PLCB4: variants seen among roughly 807,000 people sequenced by gnomAD.
The protein encoded by PLCB4 is 1-phosphatidylinositol 4,5-bisphosphate phosphodiesterase beta-4.
PLCB4 carries 77 observed loss-of-function variants against 178.8 expected under a neutral mutation model. That is an observed-to-expected ratio of 0.43 (90% confidence interval 0.36 to 0.52). The LOEUF (loss-of-function observed/expected upper bound fraction) is 0.52, where lower values mean the gene tolerates loss of function less well. PLCB4 is among the 20% of genes least tolerant of loss of function. The probability of loss-of-function intolerance (pLI) is 0.00; values close to 1 mark genes in which losing one functional copy is unlikely to be tolerated. For missense variants in PLCB4, 1,024 were observed against 1,453.4 expected (o/e 0.70, Z 4.80); for synonymous variants, 496 against 490.8 (o/e 1.01, Z -0.14).
chr20:9,140,277 G>T (rs2092461719), intron 2 of PLCB4, among the ~76,000 whole-genome samples: 1 of 151,980 alleles, frequency 6.6e-6, no homozygotes, highest in African/African-American at 2.4e-5. Flanking sequence ...CACATCCCCT[G>T]TCCGTCTCCT....
chr20:9,384,562 A>G, intron 14 of PLCB4, 151 bp downstream of exon 14: 1 of 629,114 alleles, frequency 1.6e-6, no homozygotes, highest in Non-Finnish European at 2.8e-6. Flanking sequence ...AACGTTGAGA[A>G]AAGAAGGACA....
At chr20:9,323,692 T>C (rs1159939465) in intron 4 of PLCB4, among the ~76,000 whole-genome samples, 5 of 152,182 alleles carry the variant, frequency 3.3e-5, no homozygotes, top group Admixed American at 2.6e-4. Context: ...AAGAGACAGC[T>C]GCCCCAGGAG....
At chr20:9,140,389 C>T (rs959012105) in intron 2 of PLCB4, among the ~76,000 whole-genome samples, 2 of 152,118 alleles carry the variant, frequency 1.3e-5, no homozygotes, top group African/African-American at 4.8e-5. Flanking sequence ...AGGAATGTGT[C>T]TGTCTTCCTC....
rs2092274677 is a variant in PLCB4, at chr20:9,131,620, TGTTG to T, written c.-79+35282_-79+35285del. ...TGTAGTCACTGATTTTTAATAAATC[TGTTG>T]GTTCGTAGTTCAAAAAGTCTGGGCA... On this transcript the variant is annotated intron_variant, in intron 2 of 39. Coordinates refer to ENST00000378473, the MANE Select transcript of PLCB4 (RefSeq NM_001377142.1). Among the ~76,000 whole-genome samples the T allele has an allele frequency of 1.3e-5, 2 of 152,310 alleles. 1 individual carries two copies. Among genetic ancestry groups the T allele is most frequent in the Admixed American group, 1.3e-4 (2 of 15,292 alleles).
At position 9,407,945 on chromosome 20, in the gene PLCB4, C is replaced by A. The variant is rs138509890; in HGVS notation, c.1676C>A (p.Ala559Glu). 24 of 1,613,558 alleles carry A rather than the reference C, an allele frequency of 1.5e-5. No homozygotes were observed. The highest frequency in any genetic ancestry group is 4.0e-5 in the African/African-American group (3 of 75,012). The stretch of plus-strand genomic sequence containing the variant: ...CTGGTCACTGTAGAAGATGAGCAGG[C>A]GTGGATGGCATCTTATAAATATGTA... ...KGLVTVEDEQAWMASYKYVGA... is the reference protein window; with the variant it reads ...KGLVTVEDEQEWMASYKYVGA... The change falls in exon 22 of 40, where the codon GCG (alanine) becomes GAG (glutamate). Residue 559 changes from alanine to glutamate, a missense_variant. Ala to Glu is a moderately radical substitution (Grantham distance 107). Coordinates refer to ENST00000378473, the MANE Select transcript of PLCB4 (RefSeq NM_001377142.1).
At chr20:9,226,212 G>A (rs575335671) in intron 3 of PLCB4, among the ~76,000 whole-genome samples, 2 of 152,298 alleles carry the variant, frequency 1.3e-5, no homozygotes, top group East Asian at 3.9e-4. Context: ...GTAGCTGGGA[G>A]GAGGCAATCC....
intron 2 of PLCB4, among the ~76,000 whole-genome samples, chr20:9,124,063 C>T (rs977388345): frequency 6.6e-6 from 1 of 151,998 alleles, no homozygotes; most frequent in Non-Finnish European, 1.5e-5. Flanking sequence ...AAATATTATT[C>T]TTCTTTTAAT....
At chr20:9,245,072 A>G (rs1473788102) in intron 3 of PLCB4, among the ~76,000 whole-genome samples, 4 of 152,140 alleles carry the variant, frequency 2.6e-5, no homozygotes, top group Non-Finnish European at 5.9e-5. Flanking sequence ...CAACTGTGCC[A>G]TGTGCCGCTT....
At chr20:9,159,386 A>G (rs2146971336) in intron 2 of PLCB4, among the ~76,000 whole-genome samples, 1 of 152,312 alleles carries the variant, frequency 6.6e-6, no homozygotes, top group African/African-American at 2.4e-5. Flanking sequence ...CATGATTAAC[A>G]TAGGATTATT....
intron 2 of PLCB4, among the ~76,000 whole-genome samples, chr20:9,175,167 C>G (rs1238090276): frequency 6.6e-6 from 1 of 152,144 alleles, no homozygotes; most frequent in Non-Finnish European, 1.5e-5. Flanking sequence ...CCTACTGGAT[C>G]AGAAGCTCTG....
chr20:9,152,672 G>A (rs1359503026), intron 2 of PLCB4, among the ~76,000 whole-genome samples: 4 of 152,166 alleles, frequency 2.6e-5, no homozygotes, highest in East Asian at 1.9e-4. Flanking sequence ...CTAGGGCATC[G>A]TGGAAGGGAA....
chr20:9,296,883 A>G (rs2094642521), intron 3 of PLCB4, among the ~76,000 whole-genome samples: 2 of 152,182 alleles, frequency 1.3e-5, no homozygotes, highest in East Asian at 1.9e-4. Context: ...GGGAAGGGAT[A>G]GCATTAGGAG....
chr20:9,150,630 G>A (rs1179693654), intron 2 of PLCB4, among the ~76,000 whole-genome samples: 1 of 152,108 alleles, frequency 6.6e-6, no homozygotes, highest in Admixed American at 6.6e-5. Context: ...ATGACTCTAA[G>A]GTGCTGAGAT....
At chr20:9,259,602 A>G (rs2094275984) in intron 3 of PLCB4, among the ~76,000 whole-genome samples, 1 of 152,114 alleles carries the variant, frequency 6.6e-6, no homozygotes, top group Non-Finnish European at 1.5e-5. Flanking sequence ...GGAGAGAAGG[A>G]GGGAATGGCA....
chr20:9,393,134 G>A (rs13036820), intron 17 of PLCB4, among the ~76,000 whole-genome samples: 34 of 152,186 alleles, frequency 2.2e-4, no homozygotes, highest in African/African-American at 7.7e-4. Flanking sequence ...AGTGTTGAGG[G>A]TTGGGTCAGC....
At chr20:9,100,416 C>T (rs1298949330) in intron 2 of PLCB4, among the ~76,000 whole-genome samples, 1 of 152,078 alleles carries the variant, frequency 6.6e-6, no homozygotes. Flanking sequence ...CTCTGTTGCC[C>T]AGGCTGGAGT....
intron 1 of PLCB4, among the ~76,000 whole-genome samples, chr20:9,072,633 C>A (rs1232114670): frequency 6.6e-6 from 1 of 152,000 alleles, no homozygotes; most frequent in East Asian, 1.9e-4. Context: ...CACTTCACTC[C>A]TTTGCAGCAA....
Position 9,408,534 on chromosome 20 carries a change from G to A in PLCB4, c.1790-99G>A, listed in dbSNP as rs1260169110. 8 of 578,012 alleles carry A rather than the reference G, an allele frequency of 1.4e-5. 1 individual carries two copies. The East Asian group carries it at 2.7e-4, about 19-fold the overall frequency. 35.8% of individuals were successfully genotyped at this position (578,012 alleles called of 1,614,324 possible). A position where few individuals can be genotyped will look rare whatever the true frequency, so the allele number is the denominator to read the frequency against. Reference sequence around the variant, plus strand: ...TGATAATGTAGCATTAGCCTCCAAGGCCTCATGATTCAGGGTGTAATTGCA... The same window carrying A: ...TGATAATGTAGCATTAGCCTCCAAGACCTCATGATTCAGGGTGTAATTGCA... On this transcript the variant is annotated intron_variant, in intron 22 of 39. Coordinates refer to ENST00000378473, the MANE Select transcript of PLCB4 (RefSeq NM_001377142.1).
chr20:9,172,962 T>A (rs946974057), intron 2 of PLCB4, among the ~76,000 whole-genome samples: 2 of 152,040 alleles, frequency 1.3e-5, no homozygotes, highest in South Asian at 2.1e-4. Flanking sequence ...GACTCCATAG[T>A]GCAGGTTGAC....
Sources: allele counts gnomAD v4.1 joint callset (sites outside exome capture counted in the v4.1 genomes callset), GRCh38; gene constraint gnomAD v4.1.1; transcripts MANE v1.5; gene names NCBI Gene and HGNC (gene_info 2026-07-23, HGNC 2026-07-21).